The following PNKD variants were observed in gnomAD, a reference collection of about 807,000 sequenced individuals.
PNKD encodes the protein probable thioesterase PNKD.
In PNKD, 36 loss-of-function variants were observed where a neutral mutation model predicts 45.3. The observed-to-expected ratio is 0.80, with a 90% CI of 0.61 to 1.05. The LOEUF is 1.05. Among genes scored for constraint, PNKD ranks in the 50% least tolerant of loss-of-function variants. The pLI is 0.00. For synonymous variants in PNKD, 197 were observed against 210.1 expected, an observed-to-expected ratio of 0.94 and a Z score of 0.54; for missense variants, 511 against 506.6, an observed-to-expected ratio of 1.01 and a Z score of -0.08.
At position 218,276,794 on chromosome 2, in the gene PNKD, C is replaced by G. The variant is rs193207428; in HGVS notation, c.236+5245C>G. On this transcript the variant is annotated intron_variant, in intron 2 of 9. Coordinates refer to ENST00000273077, the MANE Select transcript of PNKD (RefSeq NM_015488.5). The stretch of plus-strand genomic sequence containing the variant: ...GTGATGCAGTCCAGGGCTTCAGGTG[C>G]TCTGGCTCCAAGGCCGCCCATCTCC... 1.8e-4 allele frequency among the ~76,000 whole-genome samples: 27 copies of G among 152,272 alleles called. No homozygotes were observed. In the East Asian group the frequency reaches 4.5e-3, roughly 25 times the overall value.
chr2:218,339,264 C>T (rs1055045697), intron 2 of PNKD, among the ~76,000 whole-genome samples: 1 of 152,078 alleles, frequency 6.6e-6, no homozygotes, highest in African/African-American at 2.4e-5. Flanking sequence ...CTCTCCAAGT[C>T]TCTCTTTTTT....
chr2:218,277,224 G>T, intron 2 of PNKD: 1 of 1,161,268 alleles, frequency 8.6e-7, no homozygotes, highest in Non-Finnish European at 1.3e-6. Flanking sequence ...AACATTCTAA[G>T]GACAGAAACA....
At chr2:218,341,376 A>G (rs543069772) in intron 5 of PNKD, among the ~76,000 whole-genome samples, 158 bp from the exon 6 acceptor site, 102 of 152,302 alleles carry the variant, frequency 6.7e-4, no homozygotes, top group Middle Eastern at 3.4e-3. Context: ...GTTCTGGGCA[A>G]GGGAACAGCT....
chr2:218,292,285 GA>G, intron 2 of PNKD, among the ~76,000 whole-genome samples: 1 of 152,218 alleles, frequency 6.6e-6, no homozygotes, highest in African/African-American at 2.4e-5. Flanking sequence ...CAGGGAGAGC[GA>G]AACGCCAAGG....
chr2:218,329,916 G>A (rs1559527703), intron 2 of PNKD, among the ~76,000 whole-genome samples: 1 of 152,204 alleles, frequency 6.6e-6, no homozygotes. Flanking sequence ...CTCTCAGACA[G>A]GCACTTTCAG....
intron 2 of PNKD, among the ~76,000 whole-genome samples, chr2:218,281,168 C>G (rs1359551082): frequency 2.2e-4 from 16 of 73,384 alleles, no homozygotes; most frequent in Non-Finnish European, 4.4e-4. Context: ...GAGTCTTGCT[C>G]TGTTGCTCAG....
At chr2:218,305,030 G>A (rs1693370758) in intron 2 of PNKD, among the ~76,000 whole-genome samples, 1 of 151,942 alleles carries the variant, frequency 6.6e-6, no homozygotes, top group African/African-American at 2.4e-5. Flanking sequence ...CTGAGATCGC[G>A]CCACTGCACT....
rs2292550 is a variant in PNKD, at chr2:218,275,565, G to T, written c.236+4016G>T. The T allele has an allele frequency of 3.6e-4, 575 of 1,613,822 alleles. 3 individuals are homozygous for T. In the African/African-American group the frequency reaches 6.4e-3, roughly 18 times the overall value. ...GCAGGGCGCCAGTGATGTAGTCCTCGGGGCTGATGGTGTGCTTCCGGTTCC... is the reference window on the plus strand; with the variant it reads ...GCAGGGCGCCAGTGATGTAGTCCTCTGGGCTGATGGTGTGCTTCCGGTTCC... On this transcript the variant is annotated intron_variant, in intron 2 of 9. Transcript: ENST00000273077.
At chr2:218,339,188 C>G (rs1314869857) in intron 2 of PNKD, among the ~76,000 whole-genome samples, 1 of 152,184 alleles carries the variant, frequency 6.6e-6, no homozygotes, top group African/African-American at 2.4e-5. Flanking sequence ...CTAATTCCTA[C>G]TCCTTCTTCC....
At chr2:218,276,512 G>T (rs912712666) in intron 2 of PNKD, among the ~76,000 whole-genome samples, 4 of 152,140 alleles carry the variant, frequency 2.6e-5, no homozygotes, top group Non-Finnish European at 4.4e-5. Context: ...CACATGACAT[G>T]CCCACAGGTG....
rs1383673250 is a variant in PNKD, at chr2:218,326,779, C to T, written c.237-13004C>T. ...CACATCCCTTCATTCAGCCAGGGAA[C>T]ACCTAGCTGCCCTAGGTAAGGACTG... On this transcript the variant is annotated intron_variant, in intron 2 of 9. Transcript: ENST00000273077. This position sits in a 1 kb window ranked among gnomAD's most constrained non-coding sequence, Gnocchi z 4.1. 1 of 152,292 alleles carries T rather than the reference C, an allele frequency of 6.6e-6. No homozygotes were observed. Among genetic ancestry groups the T allele is most frequent in the Non-Finnish European group, 1.5e-5 (1 of 68,108 alleles). The allele number at this position is 152,292 out of a possible 1,614,324, so 9.4% of individuals were successfully genotyped here.
intron 2 of PNKD, among the ~76,000 whole-genome samples, chr2:218,321,678 G>C (rs971793246): frequency 3.5e-5 from 5 of 142,706 alleles, no homozygotes; most frequent in African/African-American, 7.9e-5. Flanking sequence ...ACCTAGGCTG[G>C]AGTGCCGTGG....
Position 218,344,800 on chromosome 2 carries a change from A to T in PNKD, c.985-8A>T. The T allele has an allele frequency of 6.2e-7, 1 of 1,613,124 alleles. No individual in the cohort carries two copies. Among genetic ancestry groups the T allele is most frequent in the East Asian group, 2.2e-5 (1 of 44,852 alleles). ...CTCTCCACCAAACCTGGTTCCTCTCACCCACAGTGCCCATCTACCCTGGGA... is the reference window on the plus strand; with the variant it reads ...CTCTCCACCAAACCTGGTTCCTCTCTCCCACAGTGCCCATCTACCCTGGGA... On this transcript the variant is annotated splice_region_variant and splice_polypyrimidine_tract_variant and intron_variant, in intron 9 of 9. Transcript: ENST00000273077.
intron 2 of PNKD, among the ~76,000 whole-genome samples, chr2:218,322,778 G>C (rs1415752852): frequency 6.6e-6 from 1 of 152,228 alleles, no homozygotes; most frequent in Non-Finnish European, 1.5e-5. Context: ...GTGTGCCTTT[G>C]ACCCTTGCAT....
At chr2:218,275,805 C>G (rs1296192289) in intron 2 of PNKD, among the ~76,000 whole-genome samples, 2 of 152,158 alleles carry the variant, frequency 1.3e-5, no homozygotes, top group African/African-American at 4.8e-5. Flanking sequence ...GCAGACACAC[C>G]GTTCTCAATA....
chr2:218,303,166 T>A (rs1693316077), intron 2 of PNKD, among the ~76,000 whole-genome samples: 1 of 152,140 alleles, frequency 6.6e-6, no homozygotes, highest in Non-Finnish European at 1.5e-5. Context: ...GGTCTTGAAC[T>A]CCTGGCCTCA....
chr2:218,300,355 C>A (rs1287383700), intron 2 of PNKD, among the ~76,000 whole-genome samples: 1 of 152,292 alleles, frequency 6.6e-6, no homozygotes, highest in South Asian at 2.1e-4. Context: ...TGCAGCCTCA[C>A]TCTCAGCCTC....
At chr2:218,335,200 G>A (rs1314921801) in intron 2 of PNKD, among the ~76,000 whole-genome samples, 1 of 151,560 alleles carries the variant, frequency 6.6e-6, no homozygotes, top group African/African-American at 2.4e-5. Flanking sequence ...AATAAAAATG[G>A]GCTGGGCGCG....
chr2:218,272,994 G>A, intron 2 of PNKD: 1 of 1,318,482 alleles, frequency 7.6e-7, no homozygotes, highest in Non-Finnish European at 1.0e-6. Context: ...GGCAGAGGGT[G>A]GGGCTGGTTA....
Sources: gnomAD v4.1 joint callset for allele counts (sites outside exome capture counted in the v4.1 genomes callset) on GRCh38, gnomAD v4.1.1 for gene constraint, Gnocchi (gnomAD v3.1) non-coding constraint, MANE v1.5 for transcripts, NCBI Gene and HGNC (gene_info 2026-07-23, HGNC 2026-07-21) for gene names.